NPHP3: variants seen among roughly 807,000 people sequenced by gnomAD.
The protein encoded by NPHP3 is nephrocystin 3, also known as nephrocystin-3.
NPHP3 carries 123 observed loss-of-function variants against 171.9 expected under a neutral mutation model. The ratio of observed to expected loss-of-function variants is 0.72; its 90% CI spans 0.62 to 0.83. The LOEUF is 0.83. NPHP3 is among the 40% of genes least tolerant of loss of function. The pLI, the probability that NPHP3 is intolerant of heterozygous loss-of-function variation, is 0.00. For synonymous variants in NPHP3, 558 were observed against 579.2 expected, an observed-to-expected ratio of 0.96 and a Z score of 0.52; for missense variants, 1,506 against 1,591.9, an observed-to-expected ratio of 0.95 and a Z score of 0.92.
At chr3:132,718,940 C>T (rs1471079171) in intron 3 of NPHP3, 54 bp downstream of exon 3, 1 of 1,582,912 alleles carries the variant, frequency 6.3e-7, no homozygotes, top group South Asian at 1.1e-5. Flanking sequence ...GTTGGCTCTA[C>T]ATGTCATTAC....
intron 16 of NPHP3, among the ~76,000 whole-genome samples, 195 bp downstream of exon 16, chr3:132,694,632 A>G (rs1236654890): frequency 2.0e-5 from 3 of 152,236 alleles, no homozygotes; most frequent in Non-Finnish European, 4.4e-5. Flanking sequence ...AGGATAGCCA[A>G]TAACATGAAA....
At chr3:132,713,697 G>A (rs1229496674) in intron 5 of NPHP3, among the ~76,000 whole-genome samples, 2 of 152,112 alleles carry the variant, frequency 1.3e-5, no homozygotes, top group African/African-American at 2.4e-5. Flanking sequence ...GAACGCTAAA[G>A]CAGAGCGATA....
chr3:132,682,664 TA>T, intron 26 of NPHP3, 38 bp downstream of exon 26: 1 of 1,136,810 alleles, frequency 8.8e-7, no homozygotes, highest in Non-Finnish European at 1.3e-6. Context: ...CTACTTCGAA[TA>T]AAAGAGGCTG....
chr3:132,695,196 G>C, intron 15 of NPHP3: 1 of 483,464 alleles, frequency 2.1e-6, no homozygotes. Context: ...TCTATTATTT[G>C]TTAAGCAATT....
At chr3:132,699,214 A>T in intron 13 of NPHP3, 139 bp downstream of exon 13, 5 of 646,848 alleles carry the variant, frequency 7.7e-6, no homozygotes, top group Admixed American at 5.3e-5. Flanking sequence ...TTTTTTTTTC[A>T]TAAATTCACC....
chr3:132,715,165 G>A lies in NPHP3; in HGVS notation c.877C>T (p.His293Tyr). 6.2e-7 allele frequency: 1 copy of A among 1,609,938 alleles called. No homozygotes were observed. The highest frequency in any genetic ancestry group is 8.5e-7 in the Non-Finnish European group (1 of 1,176,338). The change falls in exon 5 of 27, where the codon CAT (histidine) becomes TAT (tyrosine). Residue 293 changes from histidine (H) to tyrosine (Y), a missense_variant. By Grantham distance (83) the His-to-Tyr change is moderately conservative. Around this residue, in one of 3 missense-constraint regions of NPHP3, gnomAD observed 930 missense variants for 924.9 expected, o/e 1.01. Coordinates refer to ENST00000337331, the MANE Select transcript of NPHP3 (RefSeq NM_153240.5). ...CTGACAGTGTTACTCCACAGAGAATGTGAAAACAGAGGAGTAACTTGTAAT... is the reference window on the plus strand; with the variant it reads ...CTGACAGTGTTACTCCACAGAGAATATGAAAACAGAGGAGTAACTTGTAAT... Reference protein sequence around the residue: ...SLLQVTPLFSHSLWSNTVRCY... With the variant: ...SLLQVTPLFSYSLWSNTVRCY...
chr3:132,686,539 T>C, intron 22 of NPHP3, 152 bp from the exon 23 acceptor site: 1 of 800,516 alleles, frequency 1.2e-6, no homozygotes. Flanking sequence ...AACTTGATGA[T>C]TACAAATACA....
At position 132,715,259 on chromosome 3, in the gene NPHP3, A is replaced by T. The variant is rs765621013; in HGVS notation, c.824-41T>A. Reference sequence around the variant, plus strand: ...CTCAAGTTCATGAAAAAATTACCAGAACACATTTGATCATTCTAAAAAAGT... The same window carrying T: ...CTCAAGTTCATGAAAAAATTACCAGTACACATTTGATCATTCTAAAAAAGT... On this transcript the variant is annotated intron_variant, in intron 4 of 26. Transcript: ENST00000337331. The T allele has an allele frequency of 4.4e-6, 7 of 1,575,688 alleles. No individual in the cohort carries two copies. In the East Asian group the frequency reaches 1.6e-4, roughly 35 times the overall value.
At chr3:132,712,136 A>G (rs1560013675) in intron 6 of NPHP3, among the ~76,000 whole-genome samples, 1 of 152,248 alleles carries the variant, frequency 6.6e-6, no homozygotes, top group Non-Finnish European at 1.5e-5. Context: ...ACTTGCAGAC[A>G]AGATTCATTA....
Position 132,680,935 on chromosome 3 carries a change from G to C in NPHP3, c.*975C>G, listed in dbSNP as rs1420287218. On this transcript the variant is annotated 3_prime_UTR_variant, in exon 27 of 27. Transcript: ENST00000337331. ...CAAAGAATGCTAAAGAGCTTGACCT[G>C]TTACTGCATTAATGACTTCAGACAT... The C allele has an allele frequency of 1.3e-5, 2 of 152,136 alleles. No individual in the cohort carries two copies. Among genetic ancestry groups the C allele is most frequent in the Non-Finnish European group, 2.9e-5 (2 of 68,020 alleles). The allele number at this position is 152,136 out of a possible 1,614,324, so 9.4% of individuals were successfully genotyped here. A position where few individuals can be genotyped will look rare whatever the true frequency, so the allele number is the denominator to read the frequency against.
At chr3:132,719,187 CA>C (rs1248363531) in intron 2 of NPHP3, 43 bp from the exon 3 acceptor site, 3 of 1,486,646 alleles carry the variant, frequency 2.0e-6, no homozygotes, top group South Asian at 1.2e-5. Flanking sequence ...TTTTCATAAT[CA>C]AAAAGTTGTG....
At chr3:132,717,956 A>G (rs1940100810) in intron 3 of NPHP3, 2 of 354,556 alleles carry the variant, frequency 5.6e-6, no homozygotes, top group South Asian at 4.3e-5. Flanking sequence ...GGGTTTCACC[A>G]TGTTGGCCAG....
At position 132,688,772 on chromosome 3, in the gene NPHP3, A is replaced by C; in HGVS notation, c.3003T>G (p.Phe1001Leu). 6.2e-7 allele frequency: 1 copy of C among 1,613,970 alleles called. No individual in the cohort carries two copies. The highest frequency in any genetic ancestry group is 1.1e-5 in the South Asian group (1 of 91,078). Residue 1001 changes from phenylalanine (F) to leucine (L), a missense_variant, in exon 21 of 27, where the codon TTT (phenylalanine) becomes TTG (leucine). Physicochemically the swap from Phe to Leu is conservative, Grantham distance 22. Coordinates refer to ENST00000337331, the MANE Select transcript of NPHP3 (RefSeq NM_153240.5). ...GTTTATACAGTTGTTCTGCATTGCC[A>C]AACTTCTTCCACTGCACGTATACAC... ...LASVYVQWKK[F>L]GNAEQLYKQA... is the part of the protein sequence containing the mutation.
At chr3:132,692,584 C>T in intron 17 of NPHP3, 70 bp downstream of exon 17, 1 of 1,391,640 alleles carries the variant, frequency 7.2e-7, no homozygotes, top group Non-Finnish European at 1.0e-6. Flanking sequence ...CCACTGCACT[C>T]CAGCCTGGGT....
At chr3:132,713,318 A>G (rs757744123) in intron 5 of NPHP3, 32 bp from the exon 6 acceptor site, 1 of 1,502,018 alleles carries the variant, frequency 6.7e-7, no homozygotes, top group South Asian at 1.2e-5. Flanking sequence ...CAAAAGTTTA[A>G]TGTATTTAAC....
rs141926167 is a variant in NPHP3 at position 132,693,301 on chromosome 3, G to A, written c.2311-483C>T. ...TGGCTATGGGGGCAGTGGAGCTAGAGGACAGGCAGCATCCCCCAGTAAGAG... is the reference window on the plus strand; with the variant it reads ...TGGCTATGGGGGCAGTGGAGCTAGAAGACAGGCAGCATCCCCCAGTAAGAG... On this transcript the variant is annotated intron_variant, in intron 16 of 26. Transcript: ENST00000337331. The A allele has an allele frequency of 3.5e-3, 583 of 166,084 alleles. 7 individuals are homozygous for A. The highest frequency in any genetic ancestry group is 0.011 in the African/African-American group (475 of 41,650). The allele number at this position is 166,084 out of a possible 1,614,324, so 10.3% of individuals were successfully genotyped here. A position where few individuals can be genotyped will look rare whatever the true frequency, so the allele number is the denominator to read the frequency against.
Position 132,715,180 on chromosome 3 carries a change from T to C in NPHP3, c.862A>G (p.Thr288Ala), listed in dbSNP as rs772030749. ...DIAVASLLQV[T>A]PLFSHSLWSN... ...CACAGAGAATGTGAAAACAGAGGAG[T>C]AACTTGTAATAAACTAGCTACAGCA... Residue 288 changes from threonine to alanine, a missense_variant, in exon 5 of 27, where the codon ACT becomes GCT. Thr to Ala is a moderately conservative substitution (Grantham distance 58). Coordinates refer to ENST00000337331, the MANE Select transcript of NPHP3 (RefSeq NM_153240.5). 3 of 1,611,494 alleles carry C rather than the reference T, an allele frequency of 1.9e-6. No homozygotes were observed. The highest frequency in any genetic ancestry group is 2.5e-6 in the Non-Finnish European group (3 of 1,177,930).
chr3:132,689,569 T>C (rs1007698289), intron 19 of NPHP3, among the ~76,000 whole-genome samples: 3 of 152,198 alleles, frequency 2.0e-5, no homozygotes, highest in Non-Finnish European at 4.4e-5. Flanking sequence ...TTGGCTGTTA[T>C]CCTTAATACC....
At chr3:132,717,130 G>A in intron 3 of NPHP3, 2 of 486,806 alleles carry the variant, frequency 4.1e-6, no homozygotes, top group Middle Eastern at 5.6e-4. Flanking sequence ...GGATTAAAAA[G>A]AGAAAGATGA....
Sources: gnomAD v4.1 joint callset for allele counts (sites outside exome capture counted in the v4.1 genomes callset) on GRCh38, gnomAD v4.1.1 for gene constraint, gnomAD v4.1.1 regional missense constraint, MANE v1.5 for transcripts, NCBI Gene and HGNC (gene_info 2026-07-23, HGNC 2026-07-21) for gene names.